The following DHRSX variants were observed in gnomAD, a reference collection of about 807,000 sequenced individuals.
The protein encoded by DHRSX is polyprenol dehydrogenase.
DHRSX carries 31 observed loss-of-function variants against 34.0 expected under a neutral mutation model. The observed-to-expected ratio is 0.91, with a 90% CI of 0.69 to 1.23. DHRSX has a LOEUF of 1.23. DHRSX is among the 50% of genes most tolerant of loss of function. The pLI, the probability that DHRSX is intolerant of heterozygous loss-of-function variation, is 0.00. For synonymous variants in DHRSX, 201 were observed against 183.8 expected, an observed-to-expected ratio of 1.09 and a Z score of -0.76; for missense variants, 414 against 428.1, an observed-to-expected ratio of 0.97 and a Z score of 0.29.
chrX:2,406,585 C>T (rs2043558171), intron 3 of DHRSX, among the ~76,000 whole-genome samples: 1 of 151,940 alleles, frequency 6.6e-6, no homozygotes, highest in South Asian at 2.1e-4. Context: ...GGGTTACAGG[C>T]CCCTGCCACC....
At chrX:2,234,368 C>T (rs1056490093) in intron 6 of DHRSX, among the ~76,000 whole-genome samples, 1 of 151,976 alleles carries the variant, frequency 6.6e-6, no homozygotes, top group East Asian at 1.9e-4. Context: ...ATATTTCCCT[C>T]CCTGCCTTCA....
intron 1 of DHRSX, among the ~76,000 whole-genome samples, chrX:2,480,550 G>C (rs1484128707): frequency 6.6e-6 from 1 of 151,190 alleles, no homozygotes; most frequent in Non-Finnish European, 1.5e-5. Context: ...GGGTATGGTA[G>C]CATGCACCTG....
At chrX:2,271,245 G>C (rs1251936516) in intron 4 of DHRSX, among the ~76,000 whole-genome samples, 1 of 152,144 alleles carries the variant, frequency 6.6e-6, no homozygotes, top group Non-Finnish European at 1.5e-5. Flanking sequence ...AACAAACTCG[G>C]GACGCACCAT....
At chrX:2,241,716 C>T (rs1456460252) in intron 6 of DHRSX, among the ~76,000 whole-genome samples, 1 of 152,126 alleles carries the variant, frequency 6.6e-6, no homozygotes, top group African/African-American at 2.4e-5. Flanking sequence ...CGTGACCAGC[C>T]TGGTCAGCGT....
intron 3 of DHRSX, among the ~76,000 whole-genome samples, chrX:2,341,432 C>A (rs1189151478): frequency 6.6e-6 from 1 of 152,090 alleles, no homozygotes; most frequent in Non-Finnish European, 1.5e-5. Flanking sequence ...CCAGGCATCC[C>A]TGGGCTTATG....
At chrX:2,360,020 C>T (rs976575659) in intron 3 of DHRSX, among the ~76,000 whole-genome samples, 11 of 151,996 alleles carry the variant, frequency 7.2e-5, no homozygotes, top group South Asian at 2.1e-4. Context: ...CCCCATGACA[C>T]GAGTTTACCT....
intron 3 of DHRSX, among the ~76,000 whole-genome samples, chrX:2,302,429 C>T (rs964173842): frequency 2.0e-4 from 31 of 151,968 alleles, no homozygotes; most frequent in Admixed American, 3.3e-4. Context: ...CTGGCCAACA[C>T]GGTGAAACTG....
intron 3 of DHRSX, among the ~76,000 whole-genome samples, chrX:2,346,784 T>A (rs1007156129): frequency 2.0e-5 from 3 of 152,170 alleles, no homozygotes; most frequent in East Asian, 3.9e-4. Flanking sequence ...TTTCTCCTAA[T>A]GCTATCCCTC....
intron 4 of DHRSX, among the ~76,000 whole-genome samples, chrX:2,282,870 AG>A (rs1240296548): frequency 2.1e-5 from 2 of 94,172 alleles, no homozygotes; most frequent in South Asian, 4.0e-4. Context: ...GGGGAGAGAG[AG>A]GGGGAGAGAG....
At chrX:2,389,148 G>A (rs1468311149) in intron 3 of DHRSX, among the ~76,000 whole-genome samples, 1 of 152,162 alleles carries the variant, frequency 6.6e-6, no homozygotes, top group Non-Finnish European at 1.5e-5. Context: ...TGGCAGTCAC[G>A]CTTCTGCCAT....
intron 3 of DHRSX, among the ~76,000 whole-genome samples, chrX:2,294,521 C>T (rs1445332050): frequency 1.3e-5 from 2 of 151,804 alleles, no homozygotes; most frequent in African/African-American, 2.4e-5. Context: ...AAAAATTAGG[C>T]GACTGTGGTG....
At chrX:2,269,892 G>C (rs3923608) in intron 4 of DHRSX, among the ~76,000 whole-genome samples, 107,357 of 151,856 alleles carry the variant, frequency 0.71, 39,124 homozygotes, top group African/African-American at 0.8. Context: ...TAGCGTTTCT[G>C]TATGTATTTG....
intron 3 of DHRSX, among the ~76,000 whole-genome samples, chrX:2,367,734 T>C (rs1281108316): frequency 1.3e-5 from 2 of 152,152 alleles, no homozygotes; most frequent in African/African-American, 2.4e-5. Flanking sequence ...CAAAGACACA[T>C]ACATAATTTA....
chrX:2,259,365 GATATAT>G (rs1246658058), intron 5 of DHRSX, among the ~76,000 whole-genome samples: 47 of 106,328 alleles, frequency 4.4e-4, no homozygotes, highest in African/African-American at 1.5e-3. Context: ...GATAGATATA[GATATAT>G]ATAGATATAT....
intron 6 of DHRSX, among the ~76,000 whole-genome samples, chrX:2,241,201 A>C (rs1402089910): frequency 6.6e-6 from 1 of 152,094 alleles, no homozygotes; most frequent in Non-Finnish European, 1.5e-5. Flanking sequence ...AAACAAAAAA[A>C]CCCAAGGGAA....
At chrX:2,221,977 G>A (rs1187970235) in intron 6 of DHRSX, among the ~76,000 whole-genome samples, 3 of 152,156 alleles carry the variant, frequency 2.0e-5, no homozygotes, top group African/African-American at 7.2e-5. Context: ...CTTAACTTCT[G>A]TCACAATGAA....
intron 4 of DHRSX, 155 bp downstream of exon 4, chrX:2,291,347 A>G (rs1159562390): frequency 1.9e-5 from 3 of 161,500 alleles, no homozygotes; most frequent in African/African-American, 7.2e-5. Context: ...TTCCAAAGCT[A>G]TCCGTGAAAT....
intron 1 of DHRSX, among the ~76,000 whole-genome samples, chrX:2,485,805 A>T (rs865959195): frequency 2.5e-5 from 1 of 40,082 alleles, no homozygotes; most frequent in African/African-American, 9.0e-5. Context: ...GAGAGAAGGA[A>T]GGAAGGGAGA....
chrX:2,266,383 C>T (rs1366862635), intron 5 of DHRSX, among the ~76,000 whole-genome samples: 8 of 128,816 alleles, frequency 6.2e-5, no homozygotes, highest in African/African-American at 1.2e-4. Flanking sequence ...GGAGCACTGT[C>T]CCCAGAGCAC....
Sources: gnomAD v4.1 joint callset for allele counts (sites outside exome capture counted in the v4.1 genomes callset) on GRCh38, gnomAD v4.1.1 for gene constraint, MANE v1.5 for transcripts, NCBI Gene and HGNC (gene_info 2026-07-23, HGNC 2026-07-21) for gene names.